Variants in DNAH11 observed in about 807,000 individuals in gnomAD.
The protein encoded by DNAH11 is dynein axonemal heavy chain 11, also known as axonemal beta dynein heavy chain 11.
DNAH11 carries 442 observed loss-of-function variants against 526.0 expected under a neutral mutation model. The observed-to-expected ratio is 0.84, with a 90% CI of 0.78 to 0.91. The LOEUF (loss-of-function observed/expected upper bound fraction) is 0.91, where lower values mean the gene tolerates loss of function less well. Ranked by LOEUF, DNAH11 falls within the 40% of genes least tolerant of loss-of-function variation. The pLI is 0.00. For missense variants in DNAH11, 6,989 were observed against 5,448.7 expected (o/e 1.28, Z -8.90); for synonymous variants, 2,461 against 1,935.9 (o/e 1.27, Z -7.12).
chr7:21,609,619 T>C (rs911860171), intron 20 of DNAH11, among the ~76,000 whole-genome samples: 1 of 152,258 alleles, frequency 6.6e-6, no homozygotes, highest in Non-Finnish European at 1.5e-5. Context: ...TTGGAGATTA[T>C]GGTGGACCAG....
At chr7:21,657,073 T>C (rs1039443716) in intron 29 of DNAH11, among the ~76,000 whole-genome samples, 1 of 152,200 alleles carries the variant, frequency 6.6e-6, no homozygotes. Context: ...TTTATAGTGC[T>C]CTAATTTATT....
intron 2 of DNAH11, among the ~76,000 whole-genome samples, chr7:21,553,228 C>T (rs1365573012): frequency 6.6e-6 from 1 of 151,922 alleles, no homozygotes; most frequent in Non-Finnish European, 1.5e-5. Context: ...CCCATTATTA[C>T]TTTTATTTGT....
chr7:21,852,564 T>C lies in DNAH11; in HGVS notation c.10994T>C (p.Leu3665Pro), dbSNP rs972318656. The C allele has an allele frequency of 1.9e-6, 3 of 1,612,720 alleles. No homozygotes were observed. In the African/African-American group the frequency reaches 4.0e-5, roughly 22 times the overall value. The change falls in exon 67 of 82, where the codon CTG becomes CCG. Residue 3665 changes from leucine (L) to proline (P), a missense_variant. Coordinates refer to ENST00000409508, the MANE Select transcript of DNAH11 (RefSeq NM_001277115.2). Reference sequence around the variant, plus strand: ...CTTTCTGCGGCAGAGGGAAGCTTTCTGGATGACACCAAACTGGTAGAGAGA... The same window carrying C: ...CTTTCTGCGGCAGAGGGAAGCTTTCCGGATGACACCAAACTGGTAGAGAGA... Reference protein sequence around the residue: ...LRLSAAEGSFLDDTKLVERLE... With the variant: ...LRLSAAEGSFPDDTKLVERLE...
intron 75 of DNAH11, among the ~76,000 whole-genome samples, chr7:21,883,959 C>A (rs1784028256): frequency 6.6e-6 from 1 of 152,166 alleles, no homozygotes; most frequent in South Asian, 2.1e-4. Context: ...GAGAGGATTG[C>A]TGGAGCCCCA....
intron 21 of DNAH11, 38 bp from the exon 22 acceptor site, chr7:21,616,171 A>T: frequency 6.5e-7 from 1 of 1,530,028 alleles, no homozygotes; most frequent in Non-Finnish European, 9.0e-7. Flanking sequence ...GCTTTCACCA[A>T]ATGTTGTTGA....
chr7:21,567,487 A>C (rs1423754934), intron 6 of DNAH11, among the ~76,000 whole-genome samples: 2 of 152,296 alleles, frequency 1.3e-5, no homozygotes, highest in Non-Finnish European at 2.9e-5. Flanking sequence ...GTTAATACTT[A>C]AATTGGATAG....
At chr7:21,880,967 G>A in intron 75 of DNAH11, 74 bp downstream of exon 75, 1 of 1,336,018 alleles carries the variant, frequency 7.5e-7, no homozygotes, top group East Asian at 2.5e-5. Context: ...TATCAAAATT[G>A]ACCATAATTT....
At chr7:21,690,708 A>C in intron 34 of DNAH11, 57 bp from the exon 35 acceptor site, 1 of 1,298,124 alleles carries the variant, frequency 7.7e-7, no homozygotes, top group Non-Finnish European at 1.1e-6. Context: ...GCATTTGTCA[A>C]TGTGCATTCA....
intron 34 of DNAH11, among the ~76,000 whole-genome samples, chr7:21,688,713 A>G (rs2965396): frequency 0.086 from 13,024 of 152,280 alleles, 920 homozygotes; most frequent in African/African-American, 0.19. Flanking sequence ...ATGTTCTTGC[A>G]GTAACTTGGG....
At chr7:21,729,944 T>C (rs1031541521) in intron 45 of DNAH11, among the ~76,000 whole-genome samples, 1 of 152,232 alleles carries the variant, frequency 6.6e-6, no homozygotes, top group Non-Finnish European at 1.5e-5. Flanking sequence ...ACCTCACACC[T>C]GTTAGAAAGT....
At chr7:21,593,591 C>T (rs1337497706) in intron 14 of DNAH11, among the ~76,000 whole-genome samples, 2 of 152,014 alleles carry the variant, frequency 1.3e-5, no homozygotes, top group Non-Finnish European at 2.9e-5. Context: ...TAGTAAATAC[C>T]TGTAGAAGGT....
intron 8 of DNAH11, among the ~76,000 whole-genome samples, chr7:21,572,463 C>T (rs553993235): frequency 6.6e-6 from 1 of 152,124 alleles, no homozygotes. Flanking sequence ...AAAGGGGGAA[C>T]CTTTCTGATT....
In DNAH11 at chr7:21,606,586, G is replaced by C. The variant is rs779811939; in HGVS notation, c.3765+44G>C. On this transcript the variant is annotated intron_variant, in intron 19 of 81. Transcript: ENST00000409508. ...TTTTGTTTTAAGAAAGGTTTTACTA[G>C]GATAATTGAAGTATTTGTTTGAAAT... 21 of 1,539,570 alleles carry C rather than the reference G, an allele frequency of 1.4e-5. No individual in the cohort carries two copies. In the South Asian group the frequency reaches 2.2e-4, roughly 16 times the overall value.
intron 1 of DNAH11, 151 bp downstream of exon 1, chr7:21,543,747 C>T: frequency 2.7e-6 from 2 of 753,370 alleles, no homozygotes; most frequent in Non-Finnish European, 4.2e-6. Context: ...CCGCAGGACT[C>T]CTCCCCACGT....
intron 20 of DNAH11, among the ~76,000 whole-genome samples, chr7:21,613,895 G>A (rs539044529): frequency 1.3e-5 from 2 of 151,330 alleles, no homozygotes; most frequent in African/African-American, 4.9e-5. Context: ...AGCCTCCCGA[G>A]TAACTGGGAC....
intron 25 of DNAH11, among the ~76,000 whole-genome samples, chr7:21,629,520 A>G (rs903004386): frequency 7.9e-5 from 12 of 152,134 alleles, no homozygotes; most frequent in African/African-American, 1.7e-4. Flanking sequence ...GTCCTGTACT[A>G]TCATTGTGTT....
intron 30 of DNAH11, among the ~76,000 whole-genome samples, chr7:21,661,983 T>C (rs543499500): frequency 6.6e-6 from 1 of 152,170 alleles, no homozygotes; most frequent in South Asian, 2.1e-4. Flanking sequence ...TATGCCCAGC[T>C]AATTTTTGTG....
In DNAH11 at chr7:21,806,761, C is replaced by T. The variant is rs537749889; in HGVS notation, c.10166-1122C>T. 8.5e-5 allele frequency among the ~76,000 whole-genome samples: 13 copies of T among 152,072 alleles called. 1 individual carries two copies. Among genetic ancestry groups the T allele is most frequent in the Admixed American group, 8.5e-4 (13 of 15,266 alleles). On this transcript the variant is annotated intron_variant, in intron 62 of 81. Transcript: ENST00000409508. ...TGAAACAAAATAAATTAGTGAACTACCCTGCAGTTCAGTCAATCCATACAT... is the reference window on the plus strand; with the variant it reads ...TGAAACAAAATAAATTAGTGAACTATCCTGCAGTTCAGTCAATCCATACAT...
At chr7:21,559,341 A>G (rs1357140922) in intron 3 of DNAH11, among the ~76,000 whole-genome samples, 2 of 152,226 alleles carry the variant, frequency 1.3e-5, no homozygotes, top group African/African-American at 4.8e-5. Flanking sequence ...AAACTGTAGT[A>G]ATTGCCATGC....
Sources: gnomAD v4.1 joint callset for allele counts (sites outside exome capture counted in the v4.1 genomes callset) on GRCh38, gnomAD v4.1.1 for gene constraint, MANE v1.5 for transcripts, NCBI Gene and HGNC (gene_info 2026-07-23, HGNC 2026-07-21) for gene names.